Variants in OSBPL1A observed in about 807,000 individuals in gnomAD.
The protein encoded by OSBPL1A is oxysterol-binding protein-related protein 1.
In OSBPL1A, 80 loss-of-function variants were observed where a neutral mutation model predicts 137.1. That is an observed-to-expected ratio of 0.58 (90% CI 0.49 to 0.70). The LOEUF (loss-of-function observed/expected upper bound fraction) is 0.70. Ranked by LOEUF, OSBPL1A falls within the 30% of genes least tolerant of loss-of-function variation. The probability of loss-of-function intolerance (pLI) is 0.00; values close to 1 mark genes in which losing one functional copy is unlikely to be tolerated. For missense variants in OSBPL1A, 970 were observed against 1,129.4 expected (o/e 0.86, Z 2.02); for synonymous variants, 365 against 389.7 (o/e 0.94, Z 0.75).
intron 17 of OSBPL1A, among the ~76,000 whole-genome samples, chr18:24,203,302 A>T (rs1243629784): frequency 6.6e-6 from 1 of 152,126 alleles, no homozygotes; most frequent in African/African-American, 2.4e-5. Flanking sequence ...ATAACAAAGG[A>T]AATGATCTAC....
At chr18:24,276,413 A>G (rs964660855) in intron 15 of OSBPL1A, among the ~76,000 whole-genome samples, 19 of 152,166 alleles carry the variant, frequency 1.2e-4, no homozygotes, top group Middle Eastern at 3.4e-3. Flanking sequence ...ATATATTGCC[A>G]TTTTCTCAAC....
chr18:24,340,849 G>T (rs1221232308), intron 5 of OSBPL1A, among the ~76,000 whole-genome samples: 3 of 152,112 alleles, frequency 2.0e-5, no homozygotes, highest in African/African-American at 7.2e-5. Context: ...CCTCTTACAG[G>T]TTGCACTGCC....
chr18:24,391,548 C>T (rs564875646), intron 1 of OSBPL1A, among the ~76,000 whole-genome samples: 294 of 144,464 alleles, frequency 2.0e-3, no homozygotes, highest in African/African-American at 7.1e-3. Context: ...CACAGCAAGA[C>T]CCCAGTCTCT....
intron 14 of OSBPL1A, 106 bp from the exon 15 acceptor site, chr18:24,281,054 G>C (rs2089946976): frequency 1.6e-6 from 1 of 614,748 alleles, no homozygotes; most frequent in Non-Finnish European, 2.6e-6. Context: ...TTTCCATCTA[G>C]CTATCTTAAG....
intron 16 of OSBPL1A, among the ~76,000 whole-genome samples, chr18:24,238,471 G>A (rs1405287612): frequency 6.6e-6 from 1 of 152,006 alleles, no homozygotes; most frequent in Non-Finnish European, 1.5e-5. Flanking sequence ...CAATCTCCAC[G>A]TGCATTCCCC....
intron 17 of OSBPL1A, among the ~76,000 whole-genome samples, chr18:24,196,444 C>T (rs1326193581): frequency 6.6e-6 from 1 of 152,232 alleles, no homozygotes; most frequent in Non-Finnish European, 1.5e-5. Context: ...CTGATCTGAA[C>T]TCAGTCCTCC....
intron 5 of OSBPL1A, among the ~76,000 whole-genome samples, chr18:24,337,460 A>G (rs958144202): frequency 1.4e-5 from 2 of 142,264 alleles, no homozygotes; most frequent in African/African-American, 5.3e-5. Context: ...AGTCCTAACT[A>G]CTTGGGAGGC....
chr18:24,343,534 G>A (rs2146159307), intron 4 of OSBPL1A, among the ~76,000 whole-genome samples: 1 of 152,158 alleles, frequency 6.6e-6, no homozygotes, highest in South Asian at 2.1e-4. Flanking sequence ...TTTAAAAGAA[G>A]AACAAAGTTA....
intron 2 of OSBPL1A, among the ~76,000 whole-genome samples, chr18:24,374,417 C>G (rs1224257314): frequency 6.6e-6 from 1 of 152,160 alleles, no homozygotes; most frequent in Non-Finnish European, 1.5e-5. Context: ...AAAGCTGAGA[C>G]ACGTGGCTCT....
At chr18:24,253,821 C>T (rs1490547138) in intron 15 of OSBPL1A, among the ~76,000 whole-genome samples, 1 of 152,164 alleles carries the variant, frequency 6.6e-6, no homozygotes, top group African/African-American at 2.4e-5. Flanking sequence ...TTTTACAATG[C>T]TGATGTTATC....
chr18:24,229,261 C>A (rs981325202), intron 16 of OSBPL1A, among the ~76,000 whole-genome samples: 2 of 152,084 alleles, frequency 1.3e-5, no homozygotes, highest in African/African-American at 2.4e-5. Context: ...GAGGTAGTCT[C>A]CCGATACATG....
intron 4 of OSBPL1A, among the ~76,000 whole-genome samples, chr18:24,362,204 A>G (rs1290079675): frequency 6.6e-6 from 1 of 152,104 alleles, no homozygotes; most frequent in Non-Finnish European, 1.5e-5. Context: ...AGATGACAAT[A>G]GAATTTTCTT....
chr18:24,205,287 T>C (rs1384113886), intron 17 of OSBPL1A, among the ~76,000 whole-genome samples: 2 of 152,172 alleles, frequency 1.3e-5, no homozygotes, highest in Non-Finnish European at 2.9e-5. Context: ...TCTTAGAAAA[T>C]GACAATACTA....
intron 27 of OSBPL1A, among the ~76,000 whole-genome samples, chr18:24,164,713 C>T (rs1599416583): frequency 6.6e-6 from 1 of 152,076 alleles, no homozygotes; most frequent in South Asian, 2.1e-4. Context: ...CAGACGTGAG[C>T]CACTGCACCC....
At chr18:24,264,074 T>C (rs934258366) in intron 15 of OSBPL1A, among the ~76,000 whole-genome samples, 1 of 152,218 alleles carries the variant, frequency 6.6e-6, no homozygotes, top group East Asian at 1.9e-4. Flanking sequence ...AATCTAGTGA[T>C]TGCCAAACTG....
rs185035366 is a variant in OSBPL1A, at chr18:24,170,281, T to C, written c.2418+46A>G. The stretch of plus-strand genomic sequence containing the variant: ...CACCTCCAAAAGGATTAGTACACAT[T>C]GAAGAATCCAGTTATTCCTTCGATA... On this transcript the variant is annotated intron_variant, in intron 24 of 27. Transcript: ENST00000319481. 31 of 1,610,608 alleles carry C rather than the reference T, an allele frequency of 1.9e-5. No homozygotes were observed. In the Admixed American group the frequency reaches 2.5e-4, roughly 13 times the overall value.
intron 11 of OSBPL1A, among the ~76,000 whole-genome samples, chr18:24,316,444 T>C (rs1259868888): frequency 1.3e-5 from 2 of 151,962 alleles, no homozygotes; most frequent in African/African-American, 4.8e-5. Context: ...TAAAGATACA[T>C]ATAGGCTAAA....
intron 14 of OSBPL1A, among the ~76,000 whole-genome samples, chr18:24,298,007 C>A (rs1179661792): frequency 6.6e-6 from 1 of 152,036 alleles, no homozygotes; most frequent in Non-Finnish European, 1.5e-5. Context: ...GATAGGAGGT[C>A]AGCACAAAAT....
At chr18:24,180,665 G>A (rs1431397626) in intron 19 of OSBPL1A, among the ~76,000 whole-genome samples, 1 of 152,172 alleles carries the variant, frequency 6.6e-6, no homozygotes, top group Admixed American at 6.5e-5. Flanking sequence ...ACGAGGTCAG[G>A]AGATCGAGAC....
Sources: allele counts gnomAD v4.1 joint callset (sites outside exome capture counted in the v4.1 genomes callset), GRCh38; gene constraint gnomAD v4.1.1; transcripts MANE v1.5; gene names NCBI Gene and HGNC (gene_info 2026-07-23, HGNC 2026-07-21).